Variants in IFT81 observed in about 807,000 individuals in gnomAD.
IFT81 encodes the protein intraflagellar transport 81, also known as intraflagellar transport protein 81 homolog.
Under a neutral mutation model 102.6 loss-of-function variants are expected in IFT81, and 72 were observed. That is an observed-to-expected ratio of 0.70 (90% CI 0.58 to 0.85). The LOEUF (loss-of-function observed/expected upper bound fraction) is 0.85, where lower values mean the gene tolerates loss of function less well. Ranked by LOEUF, IFT81 falls within the 40% of genes least tolerant of loss-of-function variation. The pLI, the probability that IFT81 is intolerant of heterozygous loss-of-function variation, is 0.00. For missense variants in IFT81, 723 were observed against 787.3 expected (o/e 0.92, Z 0.98); for synonymous variants, 237 against 242.7 (o/e 0.98, Z 0.22).
At position 110,162,972 on chromosome 12, in the gene IFT81, C is replaced by T. The variant is rs1189013054; in HGVS notation, c.1095C>T (p.Ala365=). ...CCAAAGCTGAGGAACTTCAGGAGGCCAAGGAGAAGTTAGCCAGCCTAGAGA... is the reference window on the plus strand; with the variant it reads ...CCAAAGCTGAGGAACTTCAGGAGGCTAAGGAGAAGTTAGCCAGCCTAGAGA... ...KEAKAEELQE[A]KEKLASLERE... The change falls in exon 11 of 19, where the codon GCC becomes GCT. Residue 365 remains alanine (A), a synonymous_variant. Transcript: ENST00000242591. The T allele has an allele frequency of 1.1e-5, 18 of 1,613,566 alleles. No homozygotes were observed. The highest frequency in any genetic ancestry group is 1.5e-5 in the Non-Finnish European group (18 of 1,179,816).
At chr12:110,208,918 A>G (rs1258860289) in intron 17 of IFT81, among the ~76,000 whole-genome samples, 5 of 152,176 alleles carry the variant, frequency 3.3e-5, no homozygotes, top group African/African-American at 1.2e-4. Flanking sequence ...CAGAAATAGT[A>G]TTTAACATTT....
intron 1 of IFT81, among the ~76,000 whole-genome samples, chr12:110,125,232 TA>T (rs996564800): frequency 3.3e-5 from 5 of 151,680 alleles, no homozygotes; most frequent in African/African-American, 1.2e-4. Flanking sequence ...ATATGGATTT[TA>T]AAAAAAAACT....
intron 14 of IFT81, among the ~76,000 whole-genome samples, chr12:110,195,103 A>G (rs1214417281): frequency 6.6e-6 from 1 of 152,186 alleles, no homozygotes; most frequent in African/African-American, 2.4e-5. Context: ...TATATTTATT[A>G]ATATGCAGAT....
chr12:110,211,073 A>G (rs922728641), intron 18 of IFT81, among the ~76,000 whole-genome samples: 3 of 146,336 alleles, frequency 2.1e-5, no homozygotes, highest in Non-Finnish European at 3.0e-5. Context: ...CATATTGCCC[A>G]GGCTCTTAAT....
chr12:110,139,898 T>TAAAATAA (rs1894781763), intron 8 of IFT81, among the ~76,000 whole-genome samples: 1 of 141,108 alleles, frequency 7.1e-6, no homozygotes, highest in Non-Finnish European at 1.6e-5. Context: ...TAAAATAAAA[T>TAAAATAA]AAAATAAAAA....
chr12:110,149,977 A>C (rs1895432574), intron 10 of IFT81, among the ~76,000 whole-genome samples: 1 of 152,072 alleles, frequency 6.6e-6, no homozygotes, highest in Non-Finnish European at 1.5e-5. Flanking sequence ...ATGGGGACAG[A>C]CCTGGGGGTG....
intron 14 of IFT81, among the ~76,000 whole-genome samples, chr12:110,197,980 G>C (rs2137566334): frequency 6.6e-6 from 1 of 152,258 alleles, no homozygotes; most frequent in Non-Finnish European, 1.5e-5. Flanking sequence ...CCAAAGTACT[G>C]GGATTACAGG....
chr12:110,188,263 C>T (rs993360787), intron 12 of IFT81, among the ~76,000 whole-genome samples: 4 of 150,178 alleles, frequency 2.7e-5, no homozygotes, highest in Non-Finnish European at 5.9e-5. Context: ...ACCTGGGAGG[C>T]GGAGGTTGCA....
intron 17 of IFT81, among the ~76,000 whole-genome samples, chr12:110,206,498 A>C (rs1214031468): frequency 6.6e-6 from 1 of 152,058 alleles, no homozygotes; most frequent in African/African-American, 2.4e-5. Flanking sequence ...TGAGATTTTG[A>C]GTGGCATGTA....
At chr12:110,164,812 T>A (rs997032116) in intron 11 of IFT81, among the ~76,000 whole-genome samples, 8 of 152,224 alleles carry the variant, frequency 5.3e-5, no homozygotes, top group African/African-American at 1.9e-4. Flanking sequence ...TCATGACATC[T>A]TTGCTGTCTA....
At chr12:110,169,023 C>CCCTTCCTCCCTT (rs1417273655) in intron 11 of IFT81, 4 of 115,334 alleles carry the variant, frequency 3.5e-5, no homozygotes, top group African/African-American at 1.0e-4. Context: ...TTTCCTTCCT[C>CCCTTCCTCCCTT]CCTTCCTTCC....
At chr12:110,140,784 C>T (rs1894841531) in intron 8 of IFT81, among the ~76,000 whole-genome samples, 2 of 152,156 alleles carry the variant, frequency 1.3e-5, no homozygotes, top group African/African-American at 4.8e-5. Flanking sequence ...AGTGCAATGG[C>T]GTGATCTTGG....
chr12:110,168,474 T>C, intron 11 of IFT81: 3 of 966,998 alleles, frequency 3.1e-6, no homozygotes, highest in Non-Finnish European at 3.7e-6. Flanking sequence ...ACACATCATC[T>C]GTTACTAACG....
chr12:110,184,786 A>T (rs899956348), intron 12 of IFT81, among the ~76,000 whole-genome samples: 1 of 152,220 alleles, frequency 6.6e-6, no homozygotes, highest in Non-Finnish European at 1.5e-5. Context: ...GTCCCTTGTC[A>T]GGCAGGACTG....
chr12:110,214,284 G>T (rs115275707), intron 18 of IFT81, among the ~76,000 whole-genome samples: 7,835 of 144,496 alleles, frequency 0.054, 675 homozygotes, highest in African/African-American at 0.19. Flanking sequence ...TTTTTTTTTT[G>T]AGATAGAGAC....
chr12:110,143,321 A>T, intron 8 of IFT81, 61 bp from the exon 9 acceptor site: 1 of 995,802 alleles, frequency 1.0e-6, no homozygotes, highest in South Asian at 2.8e-5. Context: ...TTAAAATAGT[A>T]TACAGAATAT....
intron 7 of IFT81, 61 bp downstream of exon 7, chr12:110,135,498 A>C: frequency 6.2e-6 from 6 of 967,164 alleles, no homozygotes; most frequent in Non-Finnish European, 7.9e-6. Context: ...CATAATCCAA[A>C]TGTAAAGAAA....
intron 11 of IFT81, among the ~76,000 whole-genome samples, chr12:110,163,947 A>G (rs939179989): frequency 1.3e-5 from 2 of 152,014 alleles, no homozygotes; most frequent in African/African-American, 2.4e-5. Flanking sequence ...GTGAATTTAT[A>G]TTGGATTTAA....
rs765678565 is a variant in IFT81, at chr12:110,180,559, TCAA to T, written c.1334_1336del (p.Gln445del). The T allele has an allele frequency of 5.0e-6, 8 of 1,604,880 alleles. No individual in the cohort carries two copies. The highest frequency in any genetic ancestry group is 1.7e-5 in the Admixed American group (1 of 59,840). On this transcript the variant is annotated inframe_deletion, in exon 12 of 19. Coordinates refer to ENST00000242591, the MANE Select transcript of IFT81 (RefSeq NM_014055.4). ...TTCTTAAGCAACGTCATGAAAATAT[TCAA>T]CAACAACTGGTAATACAGTATTATC...
Sources: allele counts gnomAD v4.1 joint callset (sites outside exome capture counted in the v4.1 genomes callset), GRCh38; gene constraint gnomAD v4.1.1; transcripts MANE v1.5; gene names NCBI Gene and HGNC (gene_info 2026-07-23, HGNC 2026-07-21).